Variants in FCHSD2 observed in about 807,000 individuals in gnomAD.
The protein encoded by FCHSD2 is F-BAR and double SH3 domains protein 2.
In FCHSD2, 38 loss-of-function variants were observed where a neutral mutation model predicts 108.1. That is an observed-to-expected ratio of 0.35 (90% confidence interval 0.27 to 0.46). FCHSD2 has a LOEUF of 0.46. Ranked by LOEUF, FCHSD2 falls within the 20% of genes least tolerant of loss-of-function variation. The pLI, the probability that FCHSD2 is intolerant of heterozygous loss-of-function variation, is 1.00. For synonymous variants in FCHSD2, 279 were observed against 314.7 expected, an observed-to-expected ratio of 0.89 and a Z score of 1.20; for missense variants, 751 against 897.8, an observed-to-expected ratio of 0.84 and a Z score of 2.09.
At chr11:72,880,185 A>C (rs925453930) in intron 12 of FCHSD2, among the ~76,000 whole-genome samples, 3 of 152,116 alleles carry the variant, frequency 2.0e-5, no homozygotes, top group Non-Finnish European at 4.4e-5. Context: ...CAAAACACTG[A>C]TGAAAGAAAT....
At chr11:72,928,295 T>G (rs917595016) in intron 8 of FCHSD2, among the ~76,000 whole-genome samples, 1 of 152,130 alleles carries the variant, frequency 6.6e-6, no homozygotes, top group South Asian at 2.1e-4. Flanking sequence ...TTTTGCAAAG[T>G]AGAAATTCTT....
intron 8 of FCHSD2, among the ~76,000 whole-genome samples, chr11:72,938,669 AAT>A (rs138010437): frequency 0.024 from 3,645 of 152,184 alleles, 144 homozygotes; most frequent in African/African-American, 0.084. Flanking sequence ...GGAGAGGGTC[AAT>A]TTTCATCATT....
chr11:73,054,107 C>A (rs1178392683), intron 3 of FCHSD2, among the ~76,000 whole-genome samples: 1 of 152,066 alleles, frequency 6.6e-6, no homozygotes, highest in African/African-American at 2.4e-5. Context: ...CAGTCACATC[C>A]ATTTGTTTGC....
intron 9 of FCHSD2, among the ~76,000 whole-genome samples, chr11:72,903,318 G>A (rs987651009): frequency 6.6e-6 from 1 of 152,054 alleles, no homozygotes; most frequent in African/African-American, 2.4e-5. Context: ...CCGGGTTCAT[G>A]CCATTCTCCT....
intron 8 of FCHSD2, among the ~76,000 whole-genome samples, chr11:72,946,082 A>G (rs1264497072): frequency 1.3e-5 from 2 of 152,186 alleles, no homozygotes; most frequent in East Asian, 1.9e-4. Flanking sequence ...TGCTGCTATA[A>G]AGACACATGC....
intron 3 of FCHSD2, among the ~76,000 whole-genome samples, chr11:73,054,801 A>C (rs61896987): frequency 0.032 from 4,806 of 152,168 alleles, 125 homozygotes; most frequent in Non-Finnish European, 0.05. Flanking sequence ...CTCGGCCTCT[A>C]GAGTAGCTAG....
At chr11:72,940,940 C>T in intron 8 of FCHSD2, 1 of 779,634 alleles carries the variant, frequency 1.3e-6, no homozygotes, top group South Asian at 1.3e-5. Flanking sequence ...AATCCTGACA[C>T]CCAATGGATC....
chr11:73,004,939 CCCA>C (rs752774200), intron 4 of FCHSD2, among the ~76,000 whole-genome samples: 17 of 152,290 alleles, frequency 1.1e-4, no homozygotes, highest in Admixed American at 7.2e-4. Flanking sequence ...TCCACATGTT[CCCA>C]CCACATTTGC....
chr11:73,031,926 A>G (rs1858370318), intron 3 of FCHSD2, among the ~76,000 whole-genome samples: 1 of 152,214 alleles, frequency 6.6e-6, no homozygotes, highest in Admixed American at 6.5e-5. Context: ...GGTATTATCA[A>G]TGTTCTTCTG....
intron 2 of FCHSD2, among the ~76,000 whole-genome samples, chr11:73,111,223 G>A (rs986019712): frequency 2.6e-5 from 4 of 151,914 alleles, no homozygotes; most frequent in South Asian, 2.1e-4. Flanking sequence ...ATGTTTCTTC[G>A]CTGATTTTCT....
chr11:72,924,260 T>C (rs61895238), intron 8 of FCHSD2, among the ~76,000 whole-genome samples: 2,893 of 152,204 alleles, frequency 0.019, 47 homozygotes, highest in Non-Finnish European at 0.028. Context: ...TAAATTTTGA[T>C]GCAGTCTAAT....
intron 10 of FCHSD2, among the ~76,000 whole-genome samples, chr11:72,890,818 T>C (rs991600371): frequency 2.0e-5 from 3 of 152,090 alleles, no homozygotes; most frequent in African/African-American, 7.2e-5. Context: ...ATCAGAGCTA[T>C]TAAACACAAA....
At chr11:73,014,854 T>C (rs1857935716) in intron 4 of FCHSD2, among the ~76,000 whole-genome samples, 1 of 152,112 alleles carries the variant, frequency 6.6e-6, no homozygotes, top group Non-Finnish European at 1.5e-5. Flanking sequence ...CAAATTCTTT[T>C]TTTTTTTGAG....
intron 8 of FCHSD2, among the ~76,000 whole-genome samples, chr11:72,967,370 T>C (rs959984919): frequency 3.1e-4 from 47 of 152,232 alleles, no homozygotes; most frequent in Non-Finnish European, 5.6e-4. Context: ...GCCCATCAAC[T>C]TTTGAATGGG....
Position 73,051,589 on chromosome 11 carries a change from G to A in FCHSD2, c.165+32106C>T, listed in dbSNP as rs185471573. On this transcript the variant is annotated intron_variant, in intron 3 of 19. Coordinates refer to ENST00000409418, the MANE Select transcript of FCHSD2 (RefSeq NM_014824.3). ...TAATTTCAAAGAAATAAAGACCAAC[G>A]ACTTTATACTATTTTACACAAAAGT... Among the ~76,000 whole-genome samples the A allele has an allele frequency of 1.6e-4, 24 of 152,108 alleles. No homozygotes were observed. The Middle Eastern group carries it at 0.01, about 65-fold the overall frequency.
intron 2 of FCHSD2, among the ~76,000 whole-genome samples, chr11:73,084,184 A>G (rs935948085): frequency 6.6e-6 from 1 of 152,244 alleles, no homozygotes. Context: ...GACTTAACCA[A>G]TGTAAGAGGG....
intron 9 of FCHSD2, among the ~76,000 whole-genome samples, chr11:72,917,892 TA>T (rs879471036): frequency 4.1e-3 from 562 of 136,432 alleles, no homozygotes; most frequent in South Asian, 5.7e-3. Context: ...TGTCTCAAAT[TA>T]AAAAAAAAAA....
chr11:72,854,364 A>G (rs1386559404), intron 13 of FCHSD2, among the ~76,000 whole-genome samples: 8 of 152,258 alleles, frequency 5.3e-5, no homozygotes, highest in Non-Finnish European at 7.3e-5. Context: ...ATGTATGTAT[A>G]TACCACAAAC....
chr11:72,944,080 G>T (rs1856472586), intron 8 of FCHSD2, among the ~76,000 whole-genome samples: 1 of 152,090 alleles, frequency 6.6e-6, no homozygotes, highest in South Asian at 2.1e-4. Context: ...ACCAAAGCCT[G>T]GCAGAGACAC....
Sources: gnomAD v4.1 joint callset for allele counts (sites outside exome capture counted in the v4.1 genomes callset) on GRCh38, gnomAD v4.1.1 for gene constraint, MANE v1.5 for transcripts, NCBI Gene and HGNC (gene_info 2026-07-23, HGNC 2026-07-21) for gene names.